KDM4C: variants seen among roughly 807,000 people sequenced by gnomAD.
The protein encoded by KDM4C is lysine demethylase 4C.
In KDM4C, 81 loss-of-function variants were observed where a neutral mutation model predicts 129.3. The observed-to-expected ratio is 0.63, with a 90% CI of 0.52 to 0.75. KDM4C has a LOEUF of 0.75. Among genes scored for constraint, KDM4C ranks in the 30% least tolerant of loss-of-function variants. The pLI is 0.00. For missense variants in KDM4C, 1,457 were observed against 1,304.0 expected (o/e 1.12, Z -1.81); for synonymous variants, 573 against 456.1 (o/e 1.26, Z -3.26).
At chr9:7,138,650 A>C (rs1841448966) in intron 19 of KDM4C, among the ~76,000 whole-genome samples, 1 of 151,982 alleles carries the variant, frequency 6.6e-6, no homozygotes, top group African/African-American at 2.4e-5. Context: ...CCTCTTCTTT[A>C]CAAAAAAATT....
intron 15 of KDM4C, among the ~76,000 whole-genome samples, chr9:7,026,537 A>G (rs10975989): frequency 0.58 from 87,551 of 151,156 alleles, 26,158 homozygotes; most frequent in African/African-American, 0.71. Context: ...GACCTTTGGG[A>G]GTTTGATTAT....
intron 17 of KDM4C, among the ~76,000 whole-genome samples, chr9:7,100,751 T>C (rs544021894): frequency 2.1e-4 from 32 of 152,176 alleles, no homozygotes; most frequent in Non-Finnish European, 4.3e-4. Flanking sequence ...GATTCTTCCT[T>C]TTTTTCTTTC....
intron 17 of KDM4C, among the ~76,000 whole-genome samples, chr9:7,069,077 A>G (rs1416595729): frequency 6.6e-6 from 1 of 152,038 alleles, no homozygotes; most frequent in Non-Finnish European, 1.5e-5. Context: ...AAATCACCAT[A>G]ATAGTAGCTT....
intron 9 of KDM4C, among the ~76,000 whole-genome samples, chr9:6,983,573 GACACACACACACACACACAC>G (rs56086219): frequency 2.1e-5 from 3 of 142,610 alleles, no homozygotes; most frequent in Admixed American, 6.9e-5. Flanking sequence ...GTGTCTTTAT[GACACACACACACACACACAC>G]ACACACACAC....
intron 15 of KDM4C, among the ~76,000 whole-genome samples, chr9:7,032,979 C>A (rs1328860523): frequency 6.6e-6 from 1 of 152,124 alleles, no homozygotes; most frequent in Non-Finnish European, 1.5e-5. Flanking sequence ...TGGATAACGT[C>A]TTGAATTCAA....
chr9:6,898,175 C>T (rs1265896061), intron 8 of KDM4C, among the ~76,000 whole-genome samples: 1 of 152,182 alleles, frequency 6.6e-6, no homozygotes, highest in Non-Finnish European at 1.5e-5. Context: ...TTAAATGAAA[C>T]TTTGGCTTAG....
intron 17 of KDM4C, 48 bp from the exon 18 acceptor site, chr9:7,103,637 T>C (rs2133152739): frequency 1.5e-6 from 2 of 1,374,358 alleles, no homozygotes; most frequent in East Asian, 2.4e-5. Flanking sequence ...GGGAACTGAC[T>C]GGGTTACAGA....
intron 2 of KDM4C, among the ~76,000 whole-genome samples, chr9:6,799,876 AATGT>A (rs909827839): frequency 3.3e-5 from 5 of 151,886 alleles, no homozygotes; most frequent in Admixed American, 1.3e-4. Flanking sequence ...TATTCATATG[AATGT>A]AGTAAGGTTA....
chr9:7,002,959 C>G lies in KDM4C; in HGVS notation c.1787-8739C>G, dbSNP rs139416022. Among the ~76,000 whole-genome samples, 450 of 152,344 alleles carry G rather than the reference C, an allele frequency of 3.0e-3. 4 individuals are homozygous for G. The highest frequency in any genetic ancestry group is 9.4e-3 in the African/African-American group (392 of 41,588). On this transcript the variant is annotated intron_variant, in intron 12 of 21. Coordinates refer to ENST00000381309, the MANE Select transcript of KDM4C (RefSeq NM_015061.6). ...CACTGCAGCCTCCATCTCCCAGGTT[C>G]AAGTGATTCTCCTGTCTCAGCCTCC...
intron 20 of KDM4C, among the ~76,000 whole-genome samples, chr9:7,165,922 A>G (rs1216132697): frequency 1.3e-5 from 2 of 152,260 alleles, no homozygotes; most frequent in Non-Finnish European, 2.9e-5. Flanking sequence ...TCTGTTCACC[A>G]GGGAACCCTA....
At chr9:6,993,743 A>C (rs1171228159) in intron 12 of KDM4C, among the ~76,000 whole-genome samples, 2 of 152,170 alleles carry the variant, frequency 1.3e-5, no homozygotes, top group African/African-American at 4.8e-5. Context: ...GCCAGCTTAG[A>C]AATCTGCGGC....
At chr9:6,856,880 C>T (rs907403733) in intron 5 of KDM4C, among the ~76,000 whole-genome samples, 5 of 151,596 alleles carry the variant, frequency 3.3e-5, no homozygotes, top group African/African-American at 1.2e-4. Flanking sequence ...GCCTCAGCCT[C>T]CCGAGTAGCT....
chr9:6,743,133 T>A (rs766747639), intron 1 of KDM4C, among the ~76,000 whole-genome samples: 3 of 152,116 alleles, frequency 2.0e-5, no homozygotes, highest in African/African-American at 7.2e-5. Context: ...ATTACTAATA[T>A]GAAAATAATA....
At chr9:6,814,591 A>T (rs1490563304) in intron 3 of KDM4C, 40 bp from the exon 4 acceptor site, 1 of 1,302,082 alleles carries the variant, frequency 7.7e-7, no homozygotes, top group Non-Finnish European at 1.1e-6. Context: ...CCTAAAACTG[A>T]CTTACTGGTT....
intron 1 of KDM4C, among the ~76,000 whole-genome samples, chr9:6,740,121 C>G (rs1360521551): frequency 6.6e-6 from 1 of 152,064 alleles, no homozygotes; most frequent in East Asian, 1.9e-4. Context: ...ATCTCTTGAC[C>G]TCAGGTGATC....
intron 8 of KDM4C, among the ~76,000 whole-genome samples, chr9:6,928,836 C>T (rs369011127): frequency 6.6e-6 from 1 of 152,200 alleles, no homozygotes; most frequent in Admixed American, 6.5e-5. Flanking sequence ...TAATGCAGAA[C>T]TCTGAGGTTT....
rs1842270664 is a variant in KDM4C, at chr9:6,867,766, TGA to T, written c.630-12245_630-12244del. Among the ~76,000 whole-genome samples, 3 of 152,206 alleles carry T rather than the reference TGA, an allele frequency of 2.0e-5. No homozygotes were observed. The East Asian group carries it at 5.8e-4, about 29-fold the overall frequency. ...CAATAATACCATGAACATGTGAACTTGACAGAATGGCTTCTACTTATGAAACT... is the reference window on the plus strand; with the variant it reads ...CAATAATACCATGAACATGTGAACTTCAGAATGGCTTCTACTTATGAAACT... On this transcript the variant is annotated intron_variant, in intron 5 of 21. Transcript: ENST00000381309.
chr9:6,832,476 A>G (rs982404543), intron 4 of KDM4C, among the ~76,000 whole-genome samples: 1 of 123,354 alleles, frequency 8.1e-6, no homozygotes. Flanking sequence ...CCCAGGCTGG[A>G]GTGCAGTGGT....
chr9:6,791,606 C>A (rs961510019), intron 1 of KDM4C, among the ~76,000 whole-genome samples: 2 of 152,188 alleles, frequency 1.3e-5, no homozygotes, highest in Non-Finnish European at 2.9e-5. Context: ...AGTAAACTAA[C>A]GATTTTTAAC....
Sources: allele counts gnomAD v4.1 joint callset (sites outside exome capture counted in the v4.1 genomes callset), GRCh38; gene constraint gnomAD v4.1.1; transcripts MANE v1.5; gene names NCBI Gene and HGNC (gene_info 2026-07-23, HGNC 2026-07-21).